Variants in LIMS1 observed in about 807,000 individuals in gnomAD.
The protein encoded by LIMS1 is LIM and senescent cell antigen-like-containing domain protein 1.
In LIMS1, 18 loss-of-function variants were observed where a neutral mutation model predicts 44.1. That is an observed-to-expected ratio of 0.41 (90% CI 0.28 to 0.61). The LOEUF (loss-of-function observed/expected upper bound fraction) is 0.61. Ranked by LOEUF, LIMS1 falls within the 20% of genes least tolerant of loss-of-function variation. The probability of loss-of-function intolerance (pLI) is 0.32; values close to 1 mark genes in which losing one functional copy is unlikely to be tolerated. For missense variants in LIMS1, 201 were observed against 422.0 expected (o/e 0.48, Z 4.59); for synonymous variants, 93 against 149.1 (o/e 0.62, Z 2.74).
exon 10 of LIMS1, chr2:108,685,531 T>A (rs1000595151): frequency 6.6e-6 from 1 of 152,232 alleles, no homozygotes; most frequent in Non-Finnish European, 1.5e-5. Context: ...CCTGCATTTT[T>A]AAAAATTCTG....
At chr2:108,643,691 G>GA (rs1689866285) in intron 1 of LIMS1, among the ~76,000 whole-genome samples, 1 of 151,518 alleles carries the variant, frequency 6.6e-6, no homozygotes, top group South Asian at 2.1e-4. Context: ...TGGAAAGGAG[G>GA]GCTGAAGCCA....
At chr2:108,545,457 A>T (rs1684452926) in intron 1 of LIMS1, among the ~76,000 whole-genome samples, 1 of 151,396 alleles carries the variant, frequency 6.6e-6, no homozygotes, top group Non-Finnish European at 1.5e-5. Context: ...CTGGTCTTGA[A>T]CTCCTGACCT....
intron 1 of LIMS1, among the ~76,000 whole-genome samples, chr2:108,642,892 A>G (rs1689802002): frequency 1.3e-5 from 2 of 152,326 alleles, no homozygotes; most frequent in Non-Finnish European, 2.9e-5. Flanking sequence ...CCTTCTTTAC[A>G]GGACACTACT....
At chr2:108,591,606 C>T (rs760179711) in intron 1 of LIMS1, among the ~76,000 whole-genome samples, 2 of 151,990 alleles carry the variant, frequency 1.3e-5, no homozygotes, top group Non-Finnish European at 2.9e-5. Context: ...ACTACAGGCA[C>T]ACACCACCAT....
chr2:108,609,429 CT>C (rs1205040295), intron 1 of LIMS1, among the ~76,000 whole-genome samples: 1 of 152,138 alleles, frequency 6.6e-6, no homozygotes, highest in Non-Finnish European at 1.5e-5. Flanking sequence ...CAGCCTGGCT[CT>C]CACTCTTCAA....
At position 108,675,874 on chromosome 2, in the gene LIMS1, A is replaced by G. The variant is rs369287653; in HGVS notation, c.531-4A>G. On this transcript the variant is annotated splice_polypyrimidine_tract_variant and splice_region_variant and intron_variant, in intron 5 of 9. Coordinates refer to ENST00000544547, the Ensembl canonical transcript of LIMS1. ...ATTAAGCTGTGTGTCTTTCTCACGG[A>G]CAGGAAGGAGCTGACTGCCGATGCA... The G allele has an allele frequency of 3.6e-4, 588 of 1,613,916 alleles. 3 individuals are homozygous for G. The African/African-American group carries it at 7.1e-3, about 19-fold the overall frequency.
rs77577034 is a variant in LIMS1 at position 108,556,626 on chromosome 2, C to A, written c.32+22032C>A. Among the ~76,000 whole-genome samples, 692 of 152,270 alleles carry A rather than the reference C, an allele frequency of 4.5e-3. 5 individuals carry two copies. Among genetic ancestry groups the A allele is most frequent in the African/African-American group, 0.016 (663 of 41,542 alleles). ...TTTTCTCTTTCTCTCCTTTCCTTCCCTCCCTTCCTTTGTTGGAGGCTGAAA... is the reference window on the plus strand; with the variant it reads ...TTTTCTCTTTCTCTCCTTTCCTTCCATCCCTTCCTTTGTTGGAGGCTGAAA... On this transcript the variant is annotated intron_variant, in intron 1 of 9. Transcript: ENST00000544547.
chr2:108,534,577 G>A, exon 1 of LIMS1: 1 of 1,188,028 alleles, frequency 8.4e-7, no homozygotes, highest in Non-Finnish European at 1.1e-6. Context: ...TGGGCGTGGC[G>A]GCCGGGATGA....
intron 1 of LIMS1, among the ~76,000 whole-genome samples, chr2:108,580,759 A>G (rs1342560952): frequency 2.0e-5 from 3 of 152,202 alleles, no homozygotes; most frequent in Non-Finnish European, 4.4e-5. Flanking sequence ...TCTCGCTTGG[A>G]CTAGAACCAT....
intron 8 of LIMS1, chr2:108,678,436 T>TA (rs56361916): frequency 0.37 from 91,929 of 250,652 alleles, 19,734 homozygotes; most frequent in East Asian, 0.88. Context: ...ATCTAGGACT[T>TA]ACCACCCTTG....
intron 1 of LIMS1, among the ~76,000 whole-genome samples, chr2:108,546,758 A>G (rs1053101933): frequency 6.6e-6 from 1 of 151,852 alleles, no homozygotes; most frequent in Non-Finnish European, 1.5e-5. Context: ...TCAATGAAAG[A>G]TAGAAGGAAG....
chr2:108,574,528 T>C (rs1229480716), intron 1 of LIMS1, among the ~76,000 whole-genome samples: 2 of 152,166 alleles, frequency 1.3e-5, no homozygotes, highest in Admixed American at 6.5e-5. Context: ...ACTGCTTCTG[T>C]GCTCTCTCAC....
At chr2:108,642,119 T>C (rs545708869) in intron 1 of LIMS1, among the ~76,000 whole-genome samples, 1 of 152,330 alleles carries the variant, frequency 6.6e-6, no homozygotes, top group South Asian at 2.1e-4. Context: ...TAGTTGTTAT[T>C]GCCAAGTGCT....
intron 1 of LIMS1, among the ~76,000 whole-genome samples, chr2:108,640,837 ATTG>A (rs1689623137): frequency 1.3e-5 from 2 of 152,282 alleles, no homozygotes; most frequent in African/African-American, 4.8e-5. Context: ...GCAATAAATT[ATTG>A]TTAACATTAG....
chr2:108,564,569 G>A (rs1337690901), intron 1 of LIMS1, among the ~76,000 whole-genome samples: 5 of 152,012 alleles, frequency 3.3e-5, no homozygotes, highest in East Asian at 1.9e-4. Flanking sequence ...GGGAGGAGCC[G>A]GTGTTGCACT....
chr2:108,621,406 A>G (rs1174996372), intron 1 of LIMS1: 1 of 1,551,172 alleles, frequency 6.4e-7, no homozygotes, highest in East Asian at 2.4e-5. Context: ...CTACAGGAGA[A>G]GACGAGATCG....
intron 1 of LIMS1, among the ~76,000 whole-genome samples, chr2:108,626,709 T>C (rs1017793268): frequency 3.3e-5 from 5 of 152,240 alleles, no homozygotes; most frequent in African/African-American, 1.2e-4. Context: ...CTTTACACTC[T>C]ACTTTTTAAG....
exon 10 of LIMS1, chr2:108,687,081 G>T (rs1326465370): frequency 6.6e-6 from 1 of 152,158 alleles, no homozygotes; most frequent in African/African-American, 2.4e-5. Context: ...TGCCAAAGTA[G>T]CCATTTCTAA....
chr2:108,641,681 A>G lies in LIMS1; in HGVS notation c.33-17924A>G, dbSNP rs78652477. Reference sequence around the variant, plus strand: ...ATTTTAAACTAGCTTGAGAAAATGTACATTATTTCTTTATCACTGTCTTGC... The same window carrying G: ...ATTTTAAACTAGCTTGAGAAAATGTGCATTATTTCTTTATCACTGTCTTGC... On this transcript the variant is annotated intron_variant, in intron 1 of 9. Transcript: ENST00000544547. 3.9e-5 allele frequency among the ~76,000 whole-genome samples: 6 copies of G among 152,350 alleles called. No individual in the cohort carries two copies. In the East Asian group the frequency reaches 1.2e-3, roughly 29 times the overall value.
Sources: gnomAD v4.1 joint callset for allele counts (sites outside exome capture counted in the v4.1 genomes callset) on GRCh38, gnomAD v4.1.1 for gene constraint, MANE v1.5 for transcripts, NCBI Gene and HGNC (gene_info 2026-07-23, HGNC 2026-07-21) for gene names.